Variants in NCOA6 observed in about 807,000 individuals in gnomAD.
The protein encoded by NCOA6 is NRC RAP250.
In NCOA6, 49 loss-of-function variants were observed where a neutral mutation model predicts 171.4. The observed-to-expected ratio is 0.29, with a 90% CI of 0.23 to 0.36. NCOA6 has a LOEUF of 0.36. Among genes scored for constraint, NCOA6 ranks in the 10% least tolerant of loss-of-function variants. The pLI, the probability that NCOA6 is intolerant of heterozygous loss-of-function variation, is 1.00. For missense variants in NCOA6, 2,248 were observed against 2,554.5 expected (o/e 0.88, Z 2.59); for synonymous variants, 910 against 927.5 (o/e 0.98, Z 0.34).
intron 1 of NCOA6, among the ~76,000 whole-genome samples, chr20:34,817,166 T>A (rs1211201916): frequency 0.013 from 1,344 of 104,068 alleles, 277 homozygotes; most frequent in Middle Eastern, 0.025. Context: ...AGAAAATGTA[T>A]ATAAATGGGT....
intron 13 of NCOA6, among the ~76,000 whole-genome samples, chr20:34,728,439 C>A (rs1406905968): frequency 6.6e-6 from 1 of 152,126 alleles, no homozygotes; most frequent in Non-Finnish European, 1.5e-5. Context: ...TCTTAGGGGA[C>A]ATTTAGCAAC....
intron 4 of NCOA6, among the ~76,000 whole-genome samples, chr20:34,772,363 C>T (rs947546404): frequency 7.3e-5 from 11 of 151,612 alleles, no homozygotes; most frequent in African/African-American, 2.7e-4. Context: ...ATATGACTAT[C>T]TATAATACAT....
At chr20:34,799,407 G>A (rs1289383222) in intron 1 of NCOA6, among the ~76,000 whole-genome samples, 1 of 152,120 alleles carries the variant, frequency 6.6e-6, no homozygotes, top group Non-Finnish European at 1.5e-5. Flanking sequence ...AAAGAGAGGG[G>A]CAGAAAGTTT....
chr20:34,802,235 G>A (rs2078278525), intron 1 of NCOA6, among the ~76,000 whole-genome samples: 1 of 152,236 alleles, frequency 6.6e-6, no homozygotes, highest in East Asian at 1.9e-4. Flanking sequence ...GGGAGGCCAA[G>A]GCAGGCAGAT....
chr20:34,745,635 C>T (rs2076278685), intron 10 of NCOA6, among the ~76,000 whole-genome samples: 1 of 152,170 alleles, frequency 6.6e-6, no homozygotes, highest in African/African-American at 2.4e-5. Flanking sequence ...AATAATGTCG[C>T]TCTCATTTTC....
chr20:34,804,864 TA>T (rs1166007785), intron 1 of NCOA6, among the ~76,000 whole-genome samples: 1 of 152,174 alleles, frequency 6.6e-6, no homozygotes, highest in Non-Finnish European at 1.5e-5. Context: ...CTCTTCTAGC[TA>T]TTTGAAAATA....
intron 1 of NCOA6, among the ~76,000 whole-genome samples, chr20:34,799,151 T>C (rs917933290): frequency 2.6e-5 from 4 of 151,804 alleles, no homozygotes; most frequent in Non-Finnish European, 5.9e-5. Flanking sequence ...GGGACTGAAA[T>C]AATTAAAAAA....
At position 34,754,801 on chromosome 20, in the gene NCOA6, C is replaced by A; in HGVS notation, c.1596G>T (p.Gln532His). 1 of 1,614,172 alleles carries A rather than the reference C, an allele frequency of 6.2e-7. No individual in the cohort carries two copies. The highest frequency in any genetic ancestry group is 8.5e-7 in the Non-Finnish European group (1 of 1,180,030). The change falls in exon 8 of 15, where the codon CAG becomes CAT. Residue 532 changes from glutamine (Q) to histidine (H), a missense_variant. This residue lies in a region of NCOA6 where 987 missense variants were observed against 1,104.7 expected (regional missense o/e 0.89). Coordinates refer to ENST00000359003, the MANE Select transcript of NCOA6 (RefSeq NM_014071.5). ...GGGTGGTTGCTGTGGTCGAAGGCAC[C>A]TGACCTTGCATAAAGTTCGGATTGG... Reference protein sequence around the residue: ...GQANPNFMQGQVPSTTATTPG... With the variant: ...GQANPNFMQGHVPSTTATTPG...
chr20:34,768,192 G>GC (rs2077036491), intron 5 of NCOA6, among the ~76,000 whole-genome samples: 1 of 152,126 alleles, frequency 6.6e-6, no homozygotes, highest in Non-Finnish European at 1.5e-5. Context: ...ATTTCCAACA[G>GC]CACAGGTCAT....
Position 34,740,981 on chromosome 20 carries a change from G to A in NCOA6, c.5275C>T (p.Pro1759Ser), listed in dbSNP as rs751717705. 7 of 1,614,208 alleles carry A rather than the reference G, an allele frequency of 4.3e-6. No homozygotes were observed. The highest frequency in any genetic ancestry group is 5.9e-6 in the Non-Finnish European group (7 of 1,180,042). Residue 1759 changes from proline to serine, a missense_variant, in exon 11 of 15, where the codon CCT becomes TCT. By Grantham distance (74) the Pro-to-Ser change is moderately conservative (BLOSUM62 -1). Coordinates refer to ENST00000359003, the MANE Select transcript of NCOA6 (RefSeq NM_014071.5). The stretch of plus-strand genomic sequence containing the variant: ...TTCAATTCTTTCACTTGCTGCACAG[G>A]GGGATGAGAAGGGACAACTGGAGAA... Reference protein sequence around the residue: ...TSSPVVPSHPPVQQVKELNPD... With the variant: ...TSSPVVPSHPSVQQVKELNPD...
Position 34,742,389 on chromosome 20 carries a change from A to G in NCOA6, c.3867T>C (p.Asn1289=). ...CAAAATTGGAAGGATTCATGGTAAG[A>G]TTTGAAGGTGCTTGCCCGATGGCCT... The part of the protein sequence containing the change: ...TLKAIGQAPS[N]LTMNPSNFAT... The change falls in exon 11 of 15, where the codon AAT becomes AAC. Residue 1289 remains asparagine, a synonymous_variant. Transcript: ENST00000359003. The G allele has an allele frequency of 6.2e-7, 1 of 1,614,196 alleles. No individual in the cohort carries two copies. Among genetic ancestry groups the G allele is most frequent in the Non-Finnish European group, 8.5e-7 (1 of 1,180,030 alleles).
At chr20:34,789,035 C>A (rs1166263030) in intron 2 of NCOA6, among the ~76,000 whole-genome samples, 1 of 152,196 alleles carries the variant, frequency 6.6e-6, no homozygotes, top group Non-Finnish European at 1.5e-5. Context: ...AAGTTCAAAG[C>A]ATCTGAAAAT....
chr20:34,759,048 G>T, intron 5 of NCOA6, 115 bp from the exon 6 acceptor site: 2 of 1,125,376 alleles, frequency 1.8e-6, no homozygotes, highest in Non-Finnish European at 2.5e-6. Flanking sequence ...TTTTTGACAG[G>T]GTCTCGCTCT....
intron 11 of NCOA6, 128 bp downstream of exon 11, chr20:34,740,235 T>C (rs574129550): frequency 8.0e-7 from 1 of 1,248,452 alleles, no homozygotes; most frequent in East Asian, 2.5e-5. Context: ...TTTCAATAAA[T>C]AAAACTACTG....
intron 1 of NCOA6, among the ~76,000 whole-genome samples, chr20:34,806,493 G>A (rs1208959157): frequency 1.3e-5 from 2 of 152,128 alleles, no homozygotes; most frequent in African/African-American, 4.8e-5. Flanking sequence ...CCAATGTCCT[G>A]AAGTGTTTCC....
intron 5 of NCOA6, among the ~76,000 whole-genome samples, chr20:34,767,118 T>A (rs2077003852): frequency 6.6e-6 from 1 of 152,192 alleles, no homozygotes; most frequent in East Asian, 1.9e-4. Flanking sequence ...TCAGGGCTCT[T>A]CTACCTTCAA....
chr20:34,776,717 G>T, intron 3 of NCOA6: 1 of 558,032 alleles, frequency 1.8e-6, no homozygotes, highest in Admixed American at 2.4e-5. Flanking sequence ...ATGATTTTTG[G>T]GTACAAATTA....
intron 1 of NCOA6, among the ~76,000 whole-genome samples, chr20:34,811,997 C>T (rs1428805343): frequency 6.6e-6 from 1 of 152,104 alleles, no homozygotes; most frequent in East Asian, 1.9e-4. Flanking sequence ...TGCCTGTAAT[C>T]CCAGCACTTT....
intron 4 of NCOA6, among the ~76,000 whole-genome samples, chr20:34,770,270 C>T (rs1016947019): frequency 6.6e-6 from 1 of 152,134 alleles, no homozygotes; most frequent in Non-Finnish European, 1.5e-5. Flanking sequence ...GATCTTTTGA[C>T]CTTGTGATCC....
Sources: gnomAD v4.1 joint callset for allele counts (sites outside exome capture counted in the v4.1 genomes callset) on GRCh38, gnomAD v4.1.1 for gene constraint, gnomAD v4.1.1 regional missense constraint, MANE v1.5 for transcripts, NCBI Gene and HGNC (gene_info 2026-07-23, HGNC 2026-07-21) for gene names.